GSE1: variants seen among roughly 807,000 people sequenced by gnomAD.
The protein encoded by GSE1 is genetic suppressor element 1.
GSE1 carries 32 observed loss-of-function variants against 112.6 expected under a neutral mutation model. That is an observed-to-expected ratio of 0.28 (90% CI 0.21 to 0.38). The LOEUF is 0.38. GSE1 is among the 10% of genes least tolerant of loss of function. The pLI is 1.00. For missense variants in GSE1, 2,348 were observed against 1,699.2 expected (o/e 1.38, Z -6.71); for synonymous variants, 1,115 against 735.6 (o/e 1.52, Z -8.35).
intron 1 of GSE1, among the ~76,000 whole-genome samples, chr16:85,221,500 C>T (rs1244526049): frequency 3.3e-5 from 5 of 152,250 alleles, no homozygotes; most frequent in African/African-American, 7.2e-5. Flanking sequence ...GAGCAGGGTA[C>T]GCCACATCCC....
At chr16:85,246,229 ACACACACACG>A (rs1490858502) in intron 1 of GSE1, among the ~76,000 whole-genome samples, 1 of 139,410 alleles carries the variant, frequency 7.2e-6, no homozygotes, top group Non-Finnish European at 1.6e-5. Flanking sequence ...ACACACACAC[ACACACACACG>A]CACACCACAC....
At chr16:85,540,228 G>GTACAC (rs1307744302) in intron 2 of GSE1, among the ~76,000 whole-genome samples, 1 of 152,202 alleles carries the variant, frequency 6.6e-6, no homozygotes, top group Non-Finnish European at 1.5e-5. Context: ...TCAGGAGGAC[G>GTACAC]TACACGTCTG....
intron 2 of GSE1, among the ~76,000 whole-genome samples, chr16:85,544,543 G>C (rs1010804805): frequency 1.6e-4 from 25 of 152,190 alleles, no homozygotes; most frequent in African/African-American, 6.0e-4. Context: ...GGGCCCTCGG[G>C]CATCCCACTC....
chr16:85,514,272 C>G (rs2051844249), intron 2 of GSE1, among the ~76,000 whole-genome samples: 1 of 149,600 alleles, frequency 6.7e-6, no homozygotes, highest in African/African-American at 2.6e-5. Flanking sequence ...CCTCTCCCTC[C>G]AGTTGAGATT....
chr16:85,530,800 G>A (rs1395036423), intron 2 of GSE1, among the ~76,000 whole-genome samples: 3 of 152,238 alleles, frequency 2.0e-5, no homozygotes, highest in Non-Finnish European at 2.9e-5. Context: ...GGGTGTCATC[G>A]GAGGAGGGAA....
chr16:85,187,166 T>C (rs945210476), intron 1 of GSE1, among the ~76,000 whole-genome samples: 1 of 152,194 alleles, frequency 6.6e-6, no homozygotes, highest in Non-Finnish European at 1.5e-5. Context: ...GCAGGCTCTG[T>C]GGTGTCCAGG....
chr16:85,344,633 C>G (rs1239758903), intron 1 of GSE1, among the ~76,000 whole-genome samples: 1 of 152,252 alleles, frequency 6.6e-6, no homozygotes, highest in Non-Finnish European at 1.5e-5. Context: ...GCCCTTGCGG[C>G]TGCCCCAGGA....
intron 2 of GSE1, among the ~76,000 whole-genome samples, chr16:85,494,022 T>C (rs1321108398): frequency 6.6e-6 from 1 of 152,210 alleles, no homozygotes; most frequent in Admixed American, 6.5e-5. Context: ...AGTTTGAGGC[T>C]ACAGTCACAA....
At chr16:85,605,865 G>A (rs777417220) in intron 1 of GSE1, among the ~76,000 whole-genome samples, 3 of 151,434 alleles carry the variant, frequency 2.0e-5, no homozygotes, top group South Asian at 2.1e-4. Context: ...GCTCATGGGC[G>A]GCCCAGGAGC....
chr16:85,292,822 C>T (rs1418588879), intron 1 of GSE1, among the ~76,000 whole-genome samples: 1 of 152,222 alleles, frequency 6.6e-6, no homozygotes. Flanking sequence ...CAGTGCACAC[C>T]CGTCACCTCT....
At chr16:85,613,163 G>A (rs2048107034), upstream of GSE1, 11 of 1,372,014 alleles carry the variant, frequency 8.0e-6, no homozygotes, top group Non-Finnish European at 1.0e-5. Flanking sequence ...TGAGGTCAGG[G>A]AGCCGGGAGC....
chr16:85,671,126 A>T (rs760119812), intron 15 of GSE1, 28 bp downstream of exon 15: 12 of 1,277,030 alleles, frequency 9.4e-6, no homozygotes, highest in African/African-American at 1.5e-5. Flanking sequence ...GGAAACCTTC[A>T]AACACGCAAC....
intron 2 of GSE1, among the ~76,000 whole-genome samples, chr16:85,446,872 G>A (rs1168096396): frequency 1.3e-5 from 2 of 152,084 alleles, no homozygotes; most frequent in African/African-American, 2.4e-5. Flanking sequence ...CCCCGCTCCC[G>A]CTGTCCCCAT....
At chr16:85,331,066 C>T (rs1418116740) in intron 1 of GSE1, among the ~76,000 whole-genome samples, 3 of 152,026 alleles carry the variant, frequency 2.0e-5, no homozygotes, top group South Asian at 2.1e-4. Context: ...TGAGCTCAGG[C>T]GCTCCTCTGG....
chr16:85,478,855 CTTTCTT>C (rs2050552286), intron 2 of GSE1, among the ~76,000 whole-genome samples: 1 of 14,980 alleles, frequency 6.7e-5, no homozygotes, highest in Non-Finnish European at 1.2e-4. Context: ...TTCTTTCTTT[CTTTCTT>C]TCTTTCTTTC....
chr16:85,379,197 C>T (rs2151616585), intron 2 of GSE1, among the ~76,000 whole-genome samples: 1 of 152,322 alleles, frequency 6.6e-6, no homozygotes, highest in Middle Eastern at 3.4e-3. Context: ...GCACCCTCCT[C>T]GCTGGGCCTC....
chr16:85,664,961 C>A, intron 11 of GSE1, 54 bp from the exon 12 acceptor site: 1 of 1,196,724 alleles, frequency 8.4e-7, no homozygotes. Flanking sequence ...CGCTGTCCTT[C>A]TCTCCAAAAA....
upstream of GSE1, chr16:85,613,031 C>T (rs1270260507): frequency 3.2e-5 from 11 of 339,216 alleles, no homozygotes; most frequent in Non-Finnish European, 5.2e-5. Context: ...CTGGTGTCCC[C>T]GGCTCACCTG....
exon 1 of GSE1, chr16:85,170,382 G>C (rs1252085012): frequency 1.0e-6 from 1 of 985,406 alleles, no homozygotes; most frequent in East Asian, 1.1e-4. Context: ...TTGTCCAAGA[G>C]GCCCCTGCAG....
Sources: allele counts gnomAD v4.1 joint callset (sites outside exome capture counted in the v4.1 genomes callset), GRCh38; gene constraint gnomAD v4.1.1; transcripts MANE v1.5; gene names NCBI Gene and HGNC (gene_info 2026-07-23, HGNC 2026-07-21).